Variants in SLC35F3 observed in about 807,000 individuals in gnomAD.
The protein encoded by SLC35F3 is solute carrier family 35 member F3.
A neutral mutation model predicts 49.9 loss-of-function variants in SLC35F3; 25 were observed. That is an observed-to-expected ratio of 0.50 (90% CI 0.37 to 0.70). The LOEUF is 0.70. Among genes scored for constraint, SLC35F3 ranks in the 30% least tolerant of loss-of-function variants. SLC35F3 has a pLI of 0.00. For missense variants in SLC35F3, 525 were observed against 639.8 expected (o/e 0.82, Z 1.94); for synonymous variants, 275 against 265.4 (o/e 1.04, Z -0.35).
intron 2 of SLC35F3, among the ~76,000 whole-genome samples, chr1:234,039,402 G>T (rs1664188374): frequency 6.6e-6 from 1 of 152,112 alleles, no homozygotes; most frequent in Admixed American, 6.6e-5. Context: ...ATTAAAATAG[G>T]GTATAAACAA....
In SLC35F3 at chr1:234,081,904, A is replaced by ATTTTTTTTTTTTTTTTTTT. The variant is rs781469880; in HGVS notation, c.284-149499_284-149481dup. 3.6e-4 allele frequency among the ~76,000 whole-genome samples: 14 copies of ATTTTTTTTTTTTTTTTTTT among 39,230 alleles called. 1 individual carries two copies. Among genetic ancestry groups the ATTTTTTTTTTTTTTTTTTT allele is most frequent in the African/African-American group, 1.3e-3 (10 of 7,464 alleles). The allele number at this position is 39,230 out of a possible 152,430, so 25.7% of individuals were successfully genotyped here. A position where few individuals can be genotyped will look rare whatever the true frequency, so the allele number is the denominator to read the frequency against. ...AGGCGCCTGCCACCATGCCTGGCTA[A>ATTTTTTTTTTTTTTTTTTT]TTTTTTTTTTTTTTTTTTTTTTTTT... On this transcript the variant is annotated intron_variant, in intron 2 of 7. Coordinates refer to ENST00000366618, the MANE Select transcript of SLC35F3 (RefSeq NM_173508.4).
At chr1:234,014,332 T>C (rs1227421973) in intron 2 of SLC35F3, among the ~76,000 whole-genome samples, 1 of 152,074 alleles carries the variant, frequency 6.6e-6, no homozygotes, top group Non-Finnish European at 1.5e-5. Flanking sequence ...GAAGAAATAA[T>C]CTACTTTAGC....
At chr1:233,911,364 A>C (rs539507099) in intron 2 of SLC35F3, among the ~76,000 whole-genome samples, 1 of 152,288 alleles carries the variant, frequency 6.6e-6, no homozygotes, top group South Asian at 2.1e-4. Flanking sequence ...TCTAGAATGG[A>C]GCTTGGCATA....
intron 2 of SLC35F3, among the ~76,000 whole-genome samples, chr1:234,106,656 C>T (rs1665288565): frequency 6.6e-6 from 1 of 152,156 alleles, no homozygotes; most frequent in Non-Finnish European, 1.5e-5. Context: ...TTTTAAAGGC[C>T]CTTTCTTCAA....
intron 3 of SLC35F3, among the ~76,000 whole-genome samples, chr1:234,258,131 C>A (rs10797536): frequency 6.6e-6 from 1 of 152,114 alleles, no homozygotes; most frequent in South Asian, 2.1e-4. Flanking sequence ...TCAGCCTCCC[C>A]GAAAGCTTGG....
At chr1:234,064,827 C>G (rs1361071055) in intron 2 of SLC35F3, among the ~76,000 whole-genome samples, 1 of 151,808 alleles carries the variant, frequency 6.6e-6, no homozygotes, top group Non-Finnish European at 1.5e-5. Flanking sequence ...AACAGCAACC[C>G]AGGAAAGTAA....
At chr1:234,059,777 G>A (rs571982201) in intron 2 of SLC35F3, among the ~76,000 whole-genome samples, 18 of 152,336 alleles carry the variant, frequency 1.2e-4, no homozygotes, top group Non-Finnish European at 2.2e-4. Context: ...CAGCCAGTCC[G>A]AGTCCCAAAA....
chr1:234,191,836 C>T (rs535111406), intron 2 of SLC35F3, among the ~76,000 whole-genome samples: 2 of 152,146 alleles, frequency 1.3e-5, no homozygotes, highest in South Asian at 2.1e-4. Context: ...CCTTTACACA[C>T]ATAAACTAGA....
chr1:234,002,347 C>T (rs1663566773), intron 2 of SLC35F3, among the ~76,000 whole-genome samples: 1 of 152,168 alleles, frequency 6.6e-6, no homozygotes, highest in African/African-American at 2.4e-5. Context: ...CCATCCAGGA[C>T]ACCACATTAT....
At position 234,027,792 on chromosome 1, in the gene SLC35F3, A is replaced by C. The variant is rs1664000248; in HGVS notation, c.283+122034A>C. Among the ~76,000 whole-genome samples, 1 of 152,234 alleles carries C rather than the reference A, an allele frequency of 6.6e-6. No individual in the cohort carries two copies. Among genetic ancestry groups the C allele is most frequent in the Admixed American group, 6.5e-5 (1 of 15,282 alleles). On this transcript the variant is annotated intron_variant, in intron 2 of 7. Transcript: ENST00000366618. The surrounding 1 kb of genome is among the most constrained non-coding windows in gnomAD (Gnocchi z 4.1). ...TGCGCCAGTTTAGCACTGGGTATTT[A>C]GCAGGGAACACAATGAACCATTTCC...
intron 2 of SLC35F3, among the ~76,000 whole-genome samples, chr1:234,184,809 A>G (rs1406716723): frequency 6.6e-6 from 1 of 152,198 alleles, no homozygotes; most frequent in Admixed American, 6.5e-5. Flanking sequence ...ACATTGTCCT[A>G]GATATGATAG....
rs117957121 is a variant in SLC35F3 at position 234,247,250 on chromosome 1, T to A, written c.608+15509T>A. Among the ~76,000 whole-genome samples, 211 of 152,396 alleles carry A rather than the reference T, an allele frequency of 1.4e-3. 1 individual carries two copies. In the East Asian group the frequency reaches 0.029, roughly 21 times the overall value. ...GTGCATGTATGCATGTGTCTATGTG[T>A]GCATATGTGTATAATAGAGCAATGG... On this transcript the variant is annotated intron_variant, in intron 3 of 7. Coordinates refer to ENST00000366618, the MANE Select transcript of SLC35F3 (RefSeq NM_173508.4).
intron 4 of SLC35F3, among the ~76,000 whole-genome samples, chr1:234,312,127 A>T (rs528100946): frequency 5.9e-5 from 9 of 152,310 alleles, no homozygotes; most frequent in Admixed American, 5.9e-4. Context: ...CAAAAGCAAG[A>T]GTAGGATGAG....
intron 2 of SLC35F3, among the ~76,000 whole-genome samples, chr1:234,029,842 A>G (rs1164712274): frequency 6.6e-6 from 1 of 152,112 alleles, no homozygotes; most frequent in East Asian, 1.9e-4. Context: ...AGCCTGGGCA[A>G]TAGAGAGAGA....
intron 2 of SLC35F3, among the ~76,000 whole-genome samples, chr1:233,923,879 T>G (rs1662109257): frequency 6.6e-6 from 1 of 152,212 alleles, no homozygotes; most frequent in Non-Finnish European, 1.5e-5. Context: ...GTTGAAGGCC[T>G]TTTCTGCATC....
rs1276753178 is a variant in SLC35F3 at position 234,324,046 on chromosome 1, G to A, written c.*803G>A. On this transcript the variant is annotated 3_prime_UTR_variant, in exon 8 of 8. Coordinates refer to ENST00000366618, the MANE Select transcript of SLC35F3 (RefSeq NM_173508.4). ...ACTCTCTATATATGTGTATGTCTGT[G>A]TACAAAAAAATGACAGAGCTGATGG... 1.3e-5 allele frequency: 2 copies of A among 152,260 alleles called. No individual in the cohort carries two copies. Among genetic ancestry groups the A allele is most frequent in the Non-Finnish European group, 2.9e-5 (2 of 68,070 alleles). The allele number at this position is 152,260 out of a possible 1,614,324, so 9.4% of individuals were successfully genotyped here.
intron 2 of SLC35F3, among the ~76,000 whole-genome samples, chr1:234,055,690 G>T (rs1469036017): frequency 2.0e-5 from 3 of 152,178 alleles, no homozygotes; most frequent in African/African-American, 7.2e-5. Flanking sequence ...GATGAACCCA[G>T]TACCACAGTT....
intron 2 of SLC35F3, among the ~76,000 whole-genome samples, chr1:234,142,537 A>G (rs912041117): frequency 6.6e-6 from 1 of 152,188 alleles, no homozygotes; most frequent in African/African-American, 2.4e-5. Context: ...GCTTGCTCAA[A>G]AAAAGGAGTT....
intron 2 of SLC35F3, among the ~76,000 whole-genome samples, chr1:234,084,309 T>C (rs2102874200): frequency 6.6e-6 from 1 of 152,190 alleles, no homozygotes; most frequent in South Asian, 2.1e-4. Flanking sequence ...CTTGGAGATA[T>C]TATATGTGCC....
Sources: allele counts gnomAD v4.1 joint callset (sites outside exome capture counted in the v4.1 genomes callset), GRCh38; gene constraint gnomAD v4.1.1; non-coding constraint Gnocchi (gnomAD v3.1); transcripts MANE v1.5; gene names NCBI Gene and HGNC (gene_info 2026-07-23, HGNC 2026-07-21).